PNPT1: variants seen among roughly 807,000 people sequenced by gnomAD.
PNPT1 encodes polyribonucleotide nucleotidyltransferase 1.
Under a neutral mutation model 119.5 loss-of-function variants are expected in PNPT1, and 53 were observed. The observed-to-expected ratio is 0.44, with a 90% CI of 0.36 to 0.56. PNPT1 has a LOEUF of 0.56. Among genes scored for constraint, PNPT1 ranks in the 20% least tolerant of loss-of-function variants. The pLI is 0.00. For synonymous variants in PNPT1, 357 were observed against 322.1 expected, an observed-to-expected ratio of 1.11 and a Z score of -1.16; for missense variants, 948 against 938.5, an observed-to-expected ratio of 1.01 and a Z score of -0.13.
In PNPT1 at chr2:55,636,250, G is replaced by A. The variant is rs1184938392; in HGVS notation, c.2339C>T (p.Ser780Phe). 3 of 1,607,524 alleles carry A rather than the reference G, an allele frequency of 1.9e-6. No individual in the cohort carries two copies. Among genetic ancestry groups the A allele is most frequent in the South Asian group, 2.2e-5 (2 of 89,518 alleles). Residue 780 changes from serine (S) to phenylalanine (F), a missense_variant, in exon 28 of 28, where the codon TCT (serine) becomes TTT (phenylalanine). Transcript: ENST00000447944. ...TAAAAAAAAAAATCACTGAGAATTA[G>A]ATGATGACTGTGAAATAGGTTCTCC... ...VMGEPISQSS[S>F]NSQ
At chr2:55,670,255 C>G (rs547065024) in intron 11 of PNPT1, among the ~76,000 whole-genome samples, 26 of 152,058 alleles carry the variant, frequency 1.7e-4, no homozygotes, top group African/African-American at 6.3e-4. Flanking sequence ...GGCGCGATCT[C>G]GACTCGCTGC....
At chr2:55,687,831 A>C in intron 1 of PNPT1, 126 bp from the exon 2 acceptor site, 6 of 585,996 alleles carry the variant, frequency 1.0e-5, no homozygotes, top group South Asian at 2.6e-5. Context: ...CACCAACAAA[A>C]AGGGGCAGAA....
intron 9 of PNPT1, 115 bp downstream of exon 9, chr2:55,672,778 A>G: frequency 1.0e-6 from 1 of 996,238 alleles, no homozygotes; most frequent in Non-Finnish European, 1.5e-6. Flanking sequence ...CTTAAAACAG[A>G]AAAGTGCTAT....
intron 1 of PNPT1, 30 bp from the exon 2 acceptor site, chr2:55,687,735 A>C (rs774611821): frequency 1.3e-6 from 2 of 1,511,166 alleles, no homozygotes; most frequent in Non-Finnish European, 1.8e-6. Context: ...CAATACAAGA[A>C]GACTTAGGTC....
At position 55,661,995 on chromosome 2, in the gene PNPT1, T is replaced by C. The variant is rs764205766; in HGVS notation, c.1208A>G (p.Glu403Gly). The change falls in exon 14 of 28, where the codon GAA becomes GGA. Residue 403 changes from glutamate (E) to glycine (G), a missense_variant. Coordinates refer to ENST00000447944, the MANE Select transcript of PNPT1 (RefSeq NM_033109.5). Reference protein sequence around the residue: ...VLCTVTFDSLESGIKSDQVIT... With the variant: ...VLCTVTFDSLGSGIKSDQVIT... ...AACTTGATCTGACTTAATACCAGAT[T>C]CTAATGAATCAAATGTAACGGTACA... The C allele has an allele frequency of 6.3e-7, 1 of 1,578,878 alleles. No individual in the cohort carries two copies. Among genetic ancestry groups the C allele is most frequent in the Admixed American group, 2.0e-5 (1 of 50,286 alleles).
chr2:55,672,501 C>T (rs1169066833), intron 9 of PNPT1, among the ~76,000 whole-genome samples: 1 of 152,236 alleles, frequency 6.6e-6, no homozygotes, highest in African/African-American at 2.4e-5. Flanking sequence ...GATTCATTTA[C>T]ATTTACTGAG....
At chr2:55,667,640 T>C (rs563934878) in intron 12 of PNPT1, among the ~76,000 whole-genome samples, 1 of 151,790 alleles carries the variant, frequency 6.6e-6, no homozygotes, top group African/African-American at 2.4e-5. Context: ...AATCCTGAAG[T>C]GCAGTCAGGG....
intron 1 of PNPT1, among the ~76,000 whole-genome samples, chr2:55,690,402 CAT>C (rs1697558519): frequency 2.0e-5 from 3 of 152,194 alleles, no homozygotes; most frequent in Admixed American, 1.3e-4. Flanking sequence ...AACATTCTAT[CAT>C]AGTCTGGTGC....
intron 3 of PNPT1, 41 bp downstream of exon 3, chr2:55,686,328 CT>C (rs1314157277): frequency 1.3e-6 from 2 of 1,539,608 alleles, no homozygotes; most frequent in Non-Finnish European, 1.8e-6. Context: ...CTACACTTTA[CT>C]CAGACCATAT....
rs369020877 is a variant in PNPT1 at position 55,651,497 on chromosome 2, A to C, written c.1495+3403T>G. ...TACCCCCAACCCTGTGCTCTCTGAAACATGTGCTGTGTCCACTCAGGGTTG... is the reference window on the plus strand; with the variant it reads ...TACCCCCAACCCTGTGCTCTCTGAACCATGTGCTGTGTCCACTCAGGGTTG... On this transcript the variant is annotated intron_variant, in intron 18 of 27. Transcript: ENST00000447944. Among the ~76,000 whole-genome samples, 58 of 152,194 alleles carry C rather than the reference A, an allele frequency of 3.8e-4. 1 individual carries two copies. The East Asian group carries it at 7.9e-3, about 21-fold the overall frequency.
intron 25 of PNPT1, among the ~76,000 whole-genome samples, chr2:55,641,992 C>A (rs908773804): frequency 2.0e-5 from 3 of 152,036 alleles, no homozygotes; most frequent in Admixed American, 2.0e-4. Context: ...CAGGCATGCA[C>A]CACCATGCCT....
intron 15 of PNPT1, 147 bp from the exon 16 acceptor site, chr2:55,656,518 C>A: frequency 1.4e-6 from 1 of 719,446 alleles, no homozygotes; most frequent in Non-Finnish European, 2.2e-6. Context: ...ATACAGAAAA[C>A]GTATGATATA....
intron 5 of PNPT1, among the ~76,000 whole-genome samples, chr2:55,682,033 C>T (rs1697264438): frequency 6.6e-6 from 1 of 151,956 alleles, no homozygotes; most frequent in South Asian, 2.1e-4. Context: ...GTCCCAGCTA[C>T]TCAGGTGGCT....
chr2:55,684,822 C>A (rs767536831), intron 4 of PNPT1, 121 bp downstream of exon 4: 9 of 1,236,846 alleles, frequency 7.3e-6, no homozygotes, highest in Non-Finnish European at 8.3e-6. Context: ...AGTGAATAAT[C>A]TTAGGTGGTG....
chr2:55,682,844 G>C (rs968392573), intron 5 of PNPT1, among the ~76,000 whole-genome samples: 15 of 152,030 alleles, frequency 9.9e-5, no homozygotes, highest in Admixed American at 5.9e-4. Flanking sequence ...AGGAGTTTGA[G>C]GCTGCAGTGA....
At chr2:55,674,195 A>G (rs1572825270) in intron 8 of PNPT1, among the ~76,000 whole-genome samples, 2 of 152,240 alleles carry the variant, frequency 1.3e-5, no homozygotes, top group East Asian at 1.9e-4. Context: ...AATTTTTTCT[A>G]TTGCATTAGA....
At chr2:55,655,044 T>C (rs1024582354) in intron 17 of PNPT1, 91 bp from the exon 18 acceptor site, 1 of 1,205,276 alleles carries the variant, frequency 8.3e-7, no homozygotes. Context: ...AAATATTCAG[T>C]TACAATACAA....
chr2:55,664,178 C>T (rs1206704127), intron 13 of PNPT1, among the ~76,000 whole-genome samples: 1 of 152,190 alleles, frequency 6.6e-6, no homozygotes, highest in Non-Finnish European at 1.5e-5. Flanking sequence ...AAAGTTATAA[C>T]ACCACCTTGT....
At chr2:55,656,432 T>C in intron 15 of PNPT1, 61 bp from the exon 16 acceptor site, 3 of 1,434,770 alleles carry the variant, frequency 2.1e-6, no homozygotes, top group Non-Finnish European at 2.9e-6. Flanking sequence ...GTCCAAGTTA[T>C]ATTACCAAAA....
Sources: gnomAD v4.1 joint callset for allele counts (sites outside exome capture counted in the v4.1 genomes callset) on GRCh38, gnomAD v4.1.1 for gene constraint, MANE v1.5 for transcripts, NCBI Gene and HGNC (gene_info 2026-07-23, HGNC 2026-07-21) for gene names.